PAQR8: variants seen among roughly 807,000 people sequenced by gnomAD.
The protein encoded by PAQR8 is membrane progestin receptor beta.
A neutral mutation model predicts 25.2 loss-of-function variants in PAQR8; 17 were observed. The observed-to-expected ratio is 0.67, with a 90% CI of 0.46 to 1.01. PAQR8 has a LOEUF of 1.01. PAQR8 is among the 50% of genes least tolerant of loss of function. The pLI, the probability that PAQR8 is intolerant of heterozygous loss-of-function variation, is 0.00. For missense variants in PAQR8, 392 were observed against 448.4 expected (o/e 0.87, Z 1.14); for synonymous variants, 204 against 190.6 (o/e 1.07, Z -0.58).
At chr6:52,398,441 C>T (rs1315626577) in intron 1 of PAQR8, among the ~76,000 whole-genome samples, 3 of 152,158 alleles carry the variant, frequency 2.0e-5, no homozygotes, top group Non-Finnish European at 4.4e-5. Flanking sequence ...CTTCTGACCT[C>T]AGGTGATCTG....
chr6:52,383,608 C>T (rs1218563835), intron 1 of PAQR8, among the ~76,000 whole-genome samples: 2 of 145,522 alleles, frequency 1.4e-5, no homozygotes, highest in Non-Finnish European at 3.0e-5. Context: ...TTGCAGTGAG[C>T]CGAGATCCCG....
chr6:52,381,528 A>G (rs1243638469), intron 1 of PAQR8, among the ~76,000 whole-genome samples: 1 of 152,230 alleles, frequency 6.6e-6, no homozygotes, highest in Non-Finnish European at 1.5e-5. Flanking sequence ...GAATAGCTTG[A>G]GCCCAGAGGT....
chr6:52,388,732 C>T (rs1283831150), intron 1 of PAQR8, among the ~76,000 whole-genome samples: 1 of 152,098 alleles, frequency 6.6e-6, no homozygotes, highest in Non-Finnish European at 1.5e-5. Flanking sequence ...GTTTATAAGC[C>T]ACCTAGTCTT....
At position 52,404,239 on chromosome 6, in the gene PAQR8, G is replaced by A. The variant is rs1460133080; in HGVS notation, c.1026G>A (p.Arg342=). The part of the protein sequence containing the change: ...ACSAATAALL[R]HKVKARLTKK... ...GTGCTGCCACCGCAGCCCTTCTGAG[G>A]CACAAAGTCAAGGCCAGACTGACCA... The change falls in exon 2 of 2, where the codon AGG becomes AGA. Residue 342 remains arginine (R), a synonymous_variant. Transcript: ENST00000442253. 3.7e-6 allele frequency: 6 copies of A among 1,612,098 alleles called. No homozygotes were observed. Among genetic ancestry groups the A allele is most frequent in the South Asian group, 2.2e-5 (2 of 90,916 alleles).
chr6:52,376,965 G>A (rs368259158), intron 1 of PAQR8, among the ~76,000 whole-genome samples: 4 of 152,164 alleles, frequency 2.6e-5, no homozygotes, highest in African/African-American at 9.7e-5. Flanking sequence ...TGCTGACCTT[G>A]AATTTCTGGT....
chr6:52,390,225 AATG>A (rs1280673258), intron 1 of PAQR8, among the ~76,000 whole-genome samples: 3 of 152,230 alleles, frequency 2.0e-5, no homozygotes, highest in African/African-American at 7.2e-5. Context: ...CTCTGTCTGT[AATG>A]ATGCATTTTG....
chr6:52,398,210 T>TC lies in PAQR8; in HGVS notation c.-52-4952_-52-4951insC, dbSNP rs1398434385. Among the ~76,000 whole-genome samples, 486 of 123,192 alleles carry TC rather than the reference T, an allele frequency of 3.9e-3. 4 individuals are homozygous for TC. Among genetic ancestry groups the TC allele is most frequent in the African/African-American group, 0.012 (462 of 38,480 alleles). 80.8% of individuals were successfully genotyped at this position (123,192 alleles called of 152,430 possible). On this transcript the variant is annotated intron_variant, in intron 1 of 1. Transcript: ENST00000442253. Reference sequence around the variant, plus strand: ...AATTTTTCTTTTCTTTTTTCTTTTTTTTTTTTTTTTTTTGAGGCAGAGTTT... The same window carrying TC: ...AATTTTTCTTTTCTTTTTTCTTTTTTCTTTTTTTTTTTTTGAGGCAGAGTTT...
chr6:52,382,657 C>A (rs1367947966), intron 1 of PAQR8, among the ~76,000 whole-genome samples: 3 of 151,692 alleles, frequency 2.0e-5, no homozygotes, highest in Non-Finnish European at 4.4e-5. Context: ...TTTATTGTAT[C>A]ATTATATGTA....
chr6:52,403,126 A>G, intron 1 of PAQR8, 36 bp from the exon 2 acceptor site: 1 of 1,119,170 alleles, frequency 8.9e-7, no homozygotes, highest in East Asian at 2.6e-5. Context: ...TTCGTGTCTC[A>G]CTGCGGCTTT....
At position 52,403,966 on chromosome 6, in the gene PAQR8, G is replaced by A. The variant is rs1763875935; in HGVS notation, c.753G>A (p.Gln251=). 6.2e-7 allele frequency: 1 copy of A among 1,614,160 alleles called. No individual in the cohort carries two copies. The highest frequency in any genetic ancestry group is 1.3e-5 in the African/African-American group (1 of 75,070). The stretch of plus-strand genomic sequence containing the variant: ...AAGCAGCCTGGTACCACACCCTCCA[G>A]ATCCTCTTCTTCCTGGTTAGCGCTT... ...QEQAAWYHTL[Q]ILFFLVSAYF... is the part of the protein sequence containing the mutation. Residue 251 remains glutamine, a synonymous_variant, in exon 2 of 2, where the codon CAG becomes CAA. Transcript: ENST00000442253.
At chr6:52,387,141 G>T (rs1396881826) in intron 1 of PAQR8, among the ~76,000 whole-genome samples, 1 of 152,140 alleles carries the variant, frequency 6.6e-6, no homozygotes, top group Non-Finnish European at 1.5e-5. Flanking sequence ...AGGCCACACT[G>T]GGAAGTGGAG....
At chr6:52,393,630 C>T (rs1015492569) in intron 1 of PAQR8, among the ~76,000 whole-genome samples, 1 of 152,118 alleles carries the variant, frequency 6.6e-6, no homozygotes, top group South Asian at 2.1e-4. Context: ...TGTACCTGGT[C>T]GATTTGGACA....
At chr6:52,363,427 A>G (rs875142) in intron 1 of PAQR8, among the ~76,000 whole-genome samples, 48,023 of 152,024 alleles carry the variant, frequency 0.32, 8,284 homozygotes, top group Middle Eastern at 0.47. Context: ...TTTCAAATGT[A>G]CAGGTAATAC....
At chr6:52,391,365 T>G (rs1763707418) in intron 1 of PAQR8, among the ~76,000 whole-genome samples, 1 of 152,228 alleles carries the variant, frequency 6.6e-6, no homozygotes, top group South Asian at 2.1e-4. Flanking sequence ...TTTTATAGAT[T>G]TATCTTAATT....
intron 1 of PAQR8, among the ~76,000 whole-genome samples, chr6:52,394,402 C>A (rs1763743870): frequency 6.6e-6 from 1 of 152,196 alleles, no homozygotes; most frequent in Non-Finnish European, 1.5e-5. Flanking sequence ...TCAGTCAGAA[C>A]TACGAAAACA....
At chr6:52,365,134 CA>C (rs200408883) in intron 1 of PAQR8, among the ~76,000 whole-genome samples, 146 of 140,388 alleles carry the variant, frequency 1.0e-3, no homozygotes, top group Admixed American at 1.2e-3. Flanking sequence ...GTTGTCTCAC[CA>C]AAAAAAAAAA....
Position 52,403,219 on chromosome 6 carries a change from G to T in PAQR8, c.6G>T (p.Thr2=). 1 of 1,591,774 alleles carries T rather than the reference G, an allele frequency of 6.3e-7. No individual in the cohort carries two copies. The highest frequency in any genetic ancestry group is 1.1e-5 in the South Asian group (1 of 90,466). M[T]TAILERLSTL... is the part of the protein sequence containing the mutation. ...AGTGCATGCGGGCCGCTGCCATGAC[G>T]ACCGCCATCTTGGAGCGCCTGAGCA... The change falls in exon 2 of 2, where the codon ACG becomes ACT. Residue 2 remains threonine, a synonymous_variant. Transcript: ENST00000442253.
chr6:52,381,736 A>T (rs546340260), intron 1 of PAQR8, among the ~76,000 whole-genome samples: 2 of 152,338 alleles, frequency 1.3e-5, no homozygotes, highest in African/African-American at 4.8e-5. Flanking sequence ...GCATAAATGT[A>T]ATATTTTGGG....
chr6:52,404,924 A>G lies in PAQR8; in HGVS notation c.*646A>G, dbSNP rs1018582334. On this transcript the variant is annotated 3_prime_UTR_variant, in exon 2 of 2. Coordinates refer to ENST00000442253, the MANE Select transcript of PAQR8 (RefSeq NM_133367.5). ...TCACATCCCTACCTTGCATGGTAAT[A>G]TAAAGGACTAGGAAGCAGTCATACT... 2.4e-5 allele frequency: 4 copies of G among 167,236 alleles called. No individual in the cohort carries two copies. Among genetic ancestry groups the G allele is most frequent in the African/African-American group, 9.6e-5 (4 of 41,596 alleles). 10.4% of individuals were successfully genotyped at this position (167,236 alleles called of 1,614,324 possible). A position where few individuals can be genotyped will look rare whatever the true frequency, so the allele number is the denominator to read the frequency against.
Sources: allele counts gnomAD v4.1 joint callset (sites outside exome capture counted in the v4.1 genomes callset), GRCh38; gene constraint gnomAD v4.1.1; transcripts MANE v1.5; gene names NCBI Gene and HGNC (gene_info 2026-07-23, HGNC 2026-07-21).